Variants in ABCG2 observed in about 807,000 individuals in gnomAD.
The protein encoded by ABCG2 is ATP binding cassette subfamily G member 2 (JR blood group).
ABCG2 carries 80 observed loss-of-function variants against 73.5 expected under a neutral mutation model. That is an observed-to-expected ratio of 1.09 (90% CI 0.91 to 1.31). The LOEUF (loss-of-function observed/expected upper bound fraction) is 1.31. Ranked by LOEUF, ABCG2 falls within the 50% of genes most tolerant of loss-of-function variation. The probability of loss-of-function intolerance (pLI) is 0.00; values close to 1 mark genes in which losing one functional copy is unlikely to be tolerated. For missense variants in ABCG2, 796 were observed against 786.2 expected (o/e 1.01, Z -0.15); for synonymous variants, 269 against 282.4 (o/e 0.95, Z 0.48).
intron 1 of ABCG2, among the ~76,000 whole-genome samples, chr4:88,197,312 A>G (rs974153083): frequency 1.3e-5 from 2 of 152,178 alleles, no homozygotes; most frequent in Admixed American, 6.6e-5. Context: ...GGAATTAAAA[A>G]TAACTATGAT....
At chr4:88,144,023 C>A (rs1725807735) in intron 1 of ABCG2, among the ~76,000 whole-genome samples, 1 of 152,200 alleles carries the variant, frequency 6.6e-6, no homozygotes, top group Non-Finnish European at 1.5e-5. Context: ...CAGAAGCTTT[C>A]TGGACATGTG....
intron 1 of ABCG2, among the ~76,000 whole-genome samples, chr4:88,195,554 A>G (rs900132857): frequency 7.9e-5 from 12 of 152,322 alleles, no homozygotes; most frequent in South Asian, 4.1e-4. Context: ...ACAGAGCAGC[A>G]TAAGGCAGAG....
At chr4:88,152,699 A>T (rs956389338) in intron 1 of ABCG2, among the ~76,000 whole-genome samples, 6 of 152,140 alleles carry the variant, frequency 3.9e-5, no homozygotes, top group African/African-American at 1.4e-4. Flanking sequence ...AGGGGATATG[A>T]TGGCTTAGCT....
At chr4:88,093,626 C>A (rs575926038) in intron 15 of ABCG2, among the ~76,000 whole-genome samples, 52 of 152,046 alleles carry the variant, frequency 3.4e-4, no homozygotes, top group Non-Finnish European at 6.9e-4. Flanking sequence ...TTCCCATCCA[C>A]TTCATCCTGA....
chr4:88,101,259 T>C lies in ABCG2; in HGVS notation c.1338A>G (p.Glu446=), dbSNP rs1432964262. 1.9e-6 allele frequency: 3 copies of C among 1,613,042 alleles called. No homozygotes were observed. Among genetic ancestry groups the C allele is most frequent in the South Asian group, 1.1e-5 (1 of 91,024 alleles). Residue 446 remains glutamate, a synonymous_variant, in exon 11 of 16, where the codon GAA becomes GAG. Transcript: ENST00000237612. The part of the protein sequence containing the change: ...NQCFSSVSAV[E]LFVVEKKLFI... ...AGAGCTTCTTCTCTACCACAAAGAG[T>C]TCCACGGCTGAAACACTGCTGAAAC...
intron 10 of ABCG2, among the ~76,000 whole-genome samples, chr4:88,106,913 A>T (rs1040314938): frequency 6.6e-6 from 1 of 152,052 alleles, no homozygotes; most frequent in African/African-American, 2.4e-5. Context: ...GTGGTGGTGG[A>T]TGTCTGTAGT....
intron 1 of ABCG2, among the ~76,000 whole-genome samples, chr4:88,228,877 A>G (rs560597213): frequency 2.4e-3 from 21 of 8,888 alleles, no homozygotes; most frequent in Admixed American, 0.018. Context: ...TGCACCAATC[A>G]GCACTCTGTA....
intron 1 of ABCG2, among the ~76,000 whole-genome samples, chr4:88,178,854 C>T (rs1423365800): frequency 6.6e-6 from 1 of 152,120 alleles, no homozygotes; most frequent in Non-Finnish European, 1.5e-5. Flanking sequence ...TGTCTTATTG[C>T]TTGGGCTCCA....
intron 8 of ABCG2, among the ~76,000 whole-genome samples, chr4:88,114,154 T>G (rs997887638): frequency 1.3e-5 from 2 of 151,244 alleles, no homozygotes; most frequent in African/African-American, 4.9e-5. Context: ...ATAAATAAAG[T>G]AAGTAATAAA....
chr4:88,192,216 G>A (rs1728719373), intron 1 of ABCG2, among the ~76,000 whole-genome samples: 2 of 151,764 alleles, frequency 1.3e-5, no homozygotes, highest in Non-Finnish European at 2.9e-5. Context: ...TTTGTTTGGG[G>A]TTTGGATGGG....
intron 1 of ABCG2, among the ~76,000 whole-genome samples, chr4:88,170,510 A>G (rs1209521283): frequency 6.6e-6 from 1 of 152,256 alleles, no homozygotes; most frequent in Non-Finnish European, 1.5e-5. Flanking sequence ...GGATGAGCCC[A>G]CGAAGGTGCT....
chr4:88,113,677 A>C, intron 8 of ABCG2, 124 bp from the exon 9 acceptor site: 1 of 1,294,428 alleles, frequency 7.7e-7, no homozygotes, highest in Non-Finnish European at 1.0e-6. Flanking sequence ...AGAAAGAAAA[A>C]ATAGGCCAGG....
intron 12 of ABCG2, among the ~76,000 whole-genome samples, chr4:88,099,110 GCAAA>G (rs765009738): frequency 1.3e-5 from 2 of 152,062 alleles, no homozygotes; most frequent in Non-Finnish European, 2.9e-5. Context: ...GCGAAACAAA[GCAAA>G]CAAACAAAAA....
chr4:88,113,679 T>C (rs1012852199), intron 8 of ABCG2, 126 bp from the exon 9 acceptor site: 26 of 1,274,178 alleles, frequency 2.0e-5, no homozygotes, highest in African/African-American at 4.5e-5. Flanking sequence ...AAAGAAAAAA[T>C]AGGCCAGGCA....
At chr4:88,197,490 C>G (rs1728982125) in intron 1 of ABCG2, among the ~76,000 whole-genome samples, 1 of 151,804 alleles carries the variant, frequency 6.6e-6, no homozygotes, top group Admixed American at 6.6e-5. Context: ...GTGGCATATA[C>G]CTGTAGTGCT....
intron 1 of ABCG2, among the ~76,000 whole-genome samples, chr4:88,146,188 G>A (rs776999171): frequency 6.6e-6 from 1 of 152,024 alleles, no homozygotes; most frequent in Non-Finnish European, 1.5e-5. Context: ...TTGCAACAAC[G>A]TATCGCTGTT....
At chr4:88,164,834 G>C (rs559625875) in intron 1 of ABCG2, among the ~76,000 whole-genome samples, 99 of 152,292 alleles carry the variant, frequency 6.5e-4, no homozygotes, top group African/African-American at 2.3e-3. Context: ...CTGGAGTGCA[G>C]TGGCACAATC....
intron 1 of ABCG2, among the ~76,000 whole-genome samples, chr4:88,201,209 C>CA (rs3061250): frequency 0.17 from 18,279 of 106,132 alleles, 1,897 homozygotes; most frequent in East Asian, 0.51. Context: ...GCACTAACTG[C>CA]AAAAAAAAAA....
chr4:88,132,505 A>C (rs973415350), intron 3 of ABCG2, 71 bp downstream of exon 3: 165 of 1,468,192 alleles, frequency 1.1e-4, no homozygotes, highest in Non-Finnish European at 1.4e-4. Flanking sequence ...GCTCGCACAC[A>C]AAAAAAAGTG....
Sources: gnomAD v4.1 joint callset for allele counts (sites outside exome capture counted in the v4.1 genomes callset) on GRCh38, gnomAD v4.1.1 for gene constraint, MANE v1.5 for transcripts, NCBI Gene and HGNC (gene_info 2026-07-23, HGNC 2026-07-21) for gene names.